The following ZNF365 variants were observed in gnomAD, a reference collection of about 807,000 sequenced individuals.
ZNF365 encodes zinc finger protein 365, also known as protein ZNF365.
In ZNF365, 22 loss-of-function variants were observed where a neutral mutation model predicts 35.0. The observed-to-expected ratio is 0.63, with a 90% CI of 0.45 to 0.90. ZNF365 has a LOEUF of 0.90. Ranked by LOEUF, ZNF365 falls within the 40% of genes least tolerant of loss-of-function variation. The pLI is 0.00. For missense variants in ZNF365, 448 were observed against 500.3 expected, an observed-to-expected ratio of 0.90 and a Z score of 1.00; for synonymous variants, 188 against 196.2, an observed-to-expected ratio of 0.96 and a Z score of 0.35.
intron 3 of ZNF365, 71 bp from the exon 4 acceptor site, chr10:62,398,669 A>G: frequency 7.0e-7 from 1 of 1,429,490 alleles, no homozygotes; most frequent in South Asian, 1.2e-5. Flanking sequence ...TAGAAAGTAT[A>G]AGAAATATTT....
At chr10:62,444,377 T>C (rs1840550317) in intron 3 of ZNF365, among the ~76,000 whole-genome samples, 1 of 152,176 alleles carries the variant, frequency 6.6e-6, no homozygotes, top group Non-Finnish European at 1.5e-5. Context: ...TTCTGTAGTA[T>C]GTCTCTAGAA....
intron 4 of ZNF365, among the ~76,000 whole-genome samples, chr10:62,468,698 C>T (rs1840984297): frequency 6.6e-6 from 1 of 152,144 alleles, no homozygotes; most frequent in African/African-American, 2.4e-5. Context: ...AGCGGCAGAC[C>T]ATCCACATCA....
intron 2 of ZNF365, among the ~76,000 whole-genome samples, chr10:62,386,870 T>C (rs778204545): frequency 1.9e-4 from 29 of 152,206 alleles, no homozygotes; most frequent in Non-Finnish European, 3.4e-4. Flanking sequence ...TTTAATTAAC[T>C]GTCTAGAACA....
chr10:62,376,904 G>A lies in ZNF365; in HGVS notation c.711G>A (p.Thr237=), dbSNP rs376981865. Residue 237 remains threonine (T), a synonymous_variant, in exon 2 of 5, where the codon ACG becomes ACA. Coordinates refer to ENST00000395254, the MANE Select transcript of ZNF365 (RefSeq NM_014951.3). The stretch of plus-strand genomic sequence containing the variant: ...TAGCTGTACTGAGGCAACGCCTGAC[G>A]GAATCTGAGGAGGAGCTTCTTAGGA... ...EMIAVLRQRL[T]ESEEELLRKE... 8 of 1,613,346 alleles carry A rather than the reference G, an allele frequency of 5.0e-6. No homozygotes were observed. The highest frequency in any genetic ancestry group is 1.7e-5 in the Admixed American group (1 of 59,966).
intron 1 of ZNF365, chr10:62,375,820 C>T (rs898558649): frequency 4.9e-6 from 1 of 204,216 alleles, no homozygotes; most frequent in Admixed American, 5.3e-5. Flanking sequence ...TCAGTGTTCT[C>T]TTCTGTGGAG....
intron 4 of ZNF365, among the ~76,000 whole-genome samples, chr10:62,475,707 T>C (rs928252912): frequency 1.3e-5 from 2 of 152,176 alleles, no homozygotes; most frequent in African/African-American, 2.4e-5. Flanking sequence ...GGAGTCACAT[T>C]TCCTCCCAGT....
chr10:62,422,468 A>T (rs1840184903), intron 3 of ZNF365, among the ~76,000 whole-genome samples: 1 of 152,158 alleles, frequency 6.6e-6, no homozygotes, highest in Admixed American at 6.5e-5. Context: ...TAAAGGAGGC[A>T]CTGCAGCTGG....
chr10:62,406,454 A>C (rs1459089224), downstream of ZNF365, among the ~76,000 whole-genome samples: 1 of 152,124 alleles, frequency 6.6e-6, no homozygotes, highest in Admixed American at 6.5e-5. Flanking sequence ...TGTCATTTCC[A>C]TAAAAAGGGG....
chr10:62,451,204 A>T (rs1468969801), intron 3 of ZNF365, among the ~76,000 whole-genome samples: 1 of 152,058 alleles, frequency 6.6e-6, no homozygotes, highest in Non-Finnish European at 1.5e-5. Context: ...TTTATTTCCC[A>T]CTTTTTCTGA....
At chr10:62,403,066 G>C (rs1372654631), downstream of ZNF365, among the ~76,000 whole-genome samples, 1 of 152,176 alleles carries the variant, frequency 6.6e-6, no homozygotes, top group Admixed American at 6.5e-5. Flanking sequence ...AGTAACTTTT[G>C]ACTGCTCAAA....
chr10:62,380,647 GA>G (rs1451283270), intron 2 of ZNF365, among the ~76,000 whole-genome samples: 1 of 152,202 alleles, frequency 6.6e-6, no homozygotes, highest in African/African-American at 2.4e-5. Context: ...GTAGGTTTTG[GA>G]GTGCAAACCC....
At chr10:62,430,482 A>G (rs1840319025) in intron 3 of ZNF365, among the ~76,000 whole-genome samples, 1 of 152,174 alleles carries the variant, frequency 6.6e-6, no homozygotes, top group Non-Finnish European at 1.5e-5. Context: ...GTTTTATCAC[A>G]TTGAATTTCT....
chr10:62,396,762 T>C (rs1026865910), intron 3 of ZNF365, among the ~76,000 whole-genome samples: 1 of 152,098 alleles, frequency 6.6e-6, no homozygotes, highest in East Asian at 1.9e-4. Context: ...TTGTTCTCTC[T>C]CTCTCTCTCT....
At chr10:62,432,484 C>A (rs765445105) in intron 3 of ZNF365, among the ~76,000 whole-genome samples, 1 of 152,152 alleles carries the variant, frequency 6.6e-6, no homozygotes, top group Non-Finnish European at 1.5e-5. Flanking sequence ...AGTCTGATTT[C>A]CAGGAAGAAT....
At chr10:62,466,460 G>A (rs1160840597) in intron 4 of ZNF365, among the ~76,000 whole-genome samples, 2 of 152,172 alleles carry the variant, frequency 1.3e-5, no homozygotes, top group African/African-American at 2.4e-5. Flanking sequence ...TCCTTAGCAA[G>A]TATGGGATCT....
At chr10:62,429,104 C>A (rs1450961695) in intron 3 of ZNF365, among the ~76,000 whole-genome samples, 1 of 152,114 alleles carries the variant, frequency 6.6e-6, no homozygotes, top group East Asian at 1.9e-4. Context: ...CCAATGTGTG[C>A]CAACGTTAGT....
At chr10:62,433,416 A>T (rs1249111917) in intron 3 of ZNF365, among the ~76,000 whole-genome samples, 1 of 152,168 alleles carries the variant, frequency 6.6e-6, no homozygotes, top group Non-Finnish European at 1.5e-5. Flanking sequence ...GCAAGTATTA[A>T]GCATTTAAAA....
chr10:62,417,261 T>C (rs1347540801), intron 3 of ZNF365, among the ~76,000 whole-genome samples: 1 of 152,112 alleles, frequency 6.6e-6, no homozygotes, highest in Non-Finnish European at 1.5e-5. Flanking sequence ...TTACTGTGCA[T>C]CTTGTCTGAA....
chr10:62,466,696 A>G (rs1840949135), intron 4 of ZNF365, among the ~76,000 whole-genome samples: 1 of 146,378 alleles, frequency 6.8e-6, no homozygotes, highest in Non-Finnish European at 1.5e-5. Context: ...TATATACTAT[A>G]GTTTTTTTTT....
Sources: allele counts gnomAD v4.1 joint callset (sites outside exome capture counted in the v4.1 genomes callset), GRCh38; gene constraint gnomAD v4.1.1; transcripts MANE v1.5; gene names NCBI Gene and HGNC (gene_info 2026-07-23, HGNC 2026-07-21).